Variants in ATP9A observed in about 807,000 individuals in gnomAD.
The protein encoded by ATP9A is ATPase phospholipid transporting 9A, also known as probable phospholipid-transporting ATPase IIA.
Under a neutral mutation model 144.1 loss-of-function variants are expected in ATP9A, and 52 were observed. The observed-to-expected ratio is 0.36, with a 90% confidence interval of 0.29 to 0.45. The LOEUF (loss-of-function observed/expected upper bound fraction) is 0.45, where lower values mean the gene tolerates loss of function less well. Among genes scored for constraint, ATP9A ranks in the 20% least tolerant of loss-of-function variants. ATP9A has a pLI of 1.00. For synonymous variants in ATP9A, 582 were observed against 557.4 expected (o/e 1.04, Z -0.62); for missense variants, 947 against 1,392.7 (o/e 0.68, Z 5.09).
intron 11 of ATP9A, among the ~76,000 whole-genome samples, chr20:51,672,919 C>T (rs1410077110): frequency 6.6e-6 from 1 of 152,106 alleles, no homozygotes; most frequent in Non-Finnish European, 1.5e-5. Context: ...AGACCAAACT[C>T]CCCTTTTTCT....
At chr20:51,682,527 C>CATTTGACCCAG (rs1461066616) in intron 9 of ATP9A, among the ~76,000 whole-genome samples, 1 of 147,730 alleles carries the variant, frequency 6.8e-6, no homozygotes, top group Non-Finnish European at 1.5e-5. Flanking sequence ...AAGAGACAAG[C>CATTTGACCCAG]ATTTGACCCA....
intron 22 of ATP9A, among the ~76,000 whole-genome samples, chr20:51,615,165 G>A (rs1319236643): frequency 6.6e-6 from 1 of 152,100 alleles, no homozygotes; most frequent in Non-Finnish European, 1.5e-5. Flanking sequence ...GTTCTAAAGA[G>A]ATCCAGCTGA....
chr20:51,673,680 T>G (rs1202197837), intron 11 of ATP9A, among the ~76,000 whole-genome samples: 1 of 152,170 alleles, frequency 6.6e-6, no homozygotes, highest in Non-Finnish European at 1.5e-5. Flanking sequence ...AATGTGATCT[T>G]CTGGTGCTAG....
At chr20:51,625,396 G>A (rs748424630) in intron 17 of ATP9A, 34 bp from the exon 18 acceptor site, 1 of 1,592,628 alleles carries the variant, frequency 6.3e-7, no homozygotes, top group Non-Finnish European at 8.6e-7. Flanking sequence ...TCACTGCTTA[G>A]GGTGAGGAGA....
At chr20:51,608,446 G>C (rs1300233191) in intron 25 of ATP9A, 72 bp downstream of exon 25, 41 of 967,842 alleles carry the variant, frequency 4.2e-5, no homozygotes, top group Non-Finnish European at 3.4e-6. Flanking sequence ...AAGAAAAAAA[G>C]CAGGGAGGGA....
Position 51,635,203 on chromosome 20 carries a change from T to G in ATP9A, c.1668+4140A>C, listed in dbSNP as rs1000197391. On this transcript the variant is annotated intron_variant, in intron 15 of 27. Coordinates refer to ENST00000338821, the MANE Select transcript of ATP9A (RefSeq NM_006045.3). ...AGGGGAGCTGACTACAGGGAGGCCC[T>G]CGTGGGAAGGCACTGAGGGTGGCCT... 2.0e-5 allele frequency among the ~76,000 whole-genome samples: 3 copies of G among 152,306 alleles called. No individual in the cohort carries two copies. The East Asian group carries it at 5.8e-4, about 29-fold the overall frequency.
chr20:51,743,649 C>T (rs192563417), intron 1 of ATP9A, among the ~76,000 whole-genome samples: 2,289 of 149,056 alleles, frequency 0.015, 31 homozygotes, highest in Non-Finnish European at 0.026. Flanking sequence ...GTGATTCGCC[C>T]GCCTCAGCCT....
rs375640601 is a variant in ATP9A, at chr20:51,644,335, C to T, written c.1507-4831G>A. On this transcript the variant is annotated intron_variant, in intron 14 of 27. Coordinates refer to ENST00000338821, the MANE Select transcript of ATP9A (RefSeq NM_006045.3). ...TTGCCCAGGTTGGAGTGCAGTGGCGCGATCTCGGCTCACTGCAAACTCCAC... is the reference window on the plus strand; with the variant it reads ...TTGCCCAGGTTGGAGTGCAGTGGCGTGATCTCGGCTCACTGCAAACTCCAC... 1.3e-4 allele frequency among the ~76,000 whole-genome samples: 18 copies of T among 135,428 alleles called. 2 individuals are homozygous for T. The highest frequency in any genetic ancestry group is 4.3e-4 in the East Asian group (2 of 4,610). 88.8% of individuals were successfully genotyped at this position (135,428 alleles called of 152,430 possible).
chr20:51,624,578 T>A (rs6013239), intron 18 of ATP9A, among the ~76,000 whole-genome samples: 47,259 of 152,032 alleles, frequency 0.31, 7,493 homozygotes, highest in Non-Finnish European at 0.34. Context: ...ACCGGCGTGC[T>A]GATCACTCAA....
At chr20:51,677,277 C>G (rs1373425543) in intron 9 of ATP9A, among the ~76,000 whole-genome samples, 2 of 152,084 alleles carry the variant, frequency 1.3e-5, no homozygotes, top group African/African-American at 2.4e-5. Flanking sequence ...ACATTAGGGC[C>G]AAACCAATGA....
chr20:51,682,499 G>A lies in ATP9A; in HGVS notation c.800-6291C>T, dbSNP rs181800793. Among the ~76,000 whole-genome samples the A allele has an allele frequency of 2.5e-4, 36 of 141,938 alleles. No homozygotes were observed. In the East Asian group the frequency reaches 6.7e-3, roughly 26 times the overall value. 93.1% of individuals were successfully genotyped at this position (141,938 alleles called of 152,430 possible). A position where few individuals can be genotyped will look rare whatever the true frequency, so the allele number is the denominator to read the frequency against. ...CCATCTTGTTCTCATTGCCTTTAAC[G>A]CCTCTTTATTCCACCCAAAGAGACA... On this transcript the variant is annotated intron_variant, in intron 9 of 27. Coordinates refer to ENST00000338821, the MANE Select transcript of ATP9A (RefSeq NM_006045.3).
intron 12 of ATP9A, among the ~76,000 whole-genome samples, chr20:51,670,582 G>T (rs1443937298): frequency 2.6e-5 from 4 of 152,114 alleles, no homozygotes; most frequent in African/African-American, 9.7e-5. Context: ...CTGATTTGGT[G>T]AGCCGCCCAG....
intron 1 of ATP9A, among the ~76,000 whole-genome samples, chr20:51,761,373 C>T (rs2077879551): frequency 6.6e-6 from 1 of 152,178 alleles, no homozygotes; most frequent in Non-Finnish European, 1.5e-5. Context: ...ATTCCAGTCC[C>T]CTTTGTGGGA....
At chr20:51,664,330 T>C (rs941168618) in intron 13 of ATP9A, among the ~76,000 whole-genome samples, 1 of 152,150 alleles carries the variant, frequency 6.6e-6, no homozygotes, top group East Asian at 1.9e-4. Context: ...CTCATGCCTG[T>C]AATCCCAGCA....
chr20:51,636,740 T>C (rs2077293842), intron 15 of ATP9A, among the ~76,000 whole-genome samples: 1 of 149,762 alleles, frequency 6.7e-6, no homozygotes, highest in African/African-American at 2.6e-5. Context: ...TCAGTCCTAA[T>C]GGTACCTACC....
At chr20:51,642,187 C>T (rs2077322373) in intron 14 of ATP9A, among the ~76,000 whole-genome samples, 1 of 151,970 alleles carries the variant, frequency 6.6e-6, no homozygotes, top group African/African-American at 2.4e-5. Flanking sequence ...TGGAGTCTCA[C>T]TCTGTCACCT....
chr20:51,620,116 G>A (rs902743280), intron 19 of ATP9A, among the ~76,000 whole-genome samples: 3 of 152,196 alleles, frequency 2.0e-5, no homozygotes, highest in African/African-American at 7.2e-5. Context: ...CCACTTTTCT[G>A]TAAAGGACCA....
intron 5 of ATP9A, 29 bp downstream of exon 5, chr20:51,697,395 C>A (rs1169489517): frequency 3.1e-6 from 5 of 1,607,312 alleles, no homozygotes; most frequent in Non-Finnish European, 4.3e-6. Flanking sequence ...GAAGTGGTAT[C>A]CACACACAAG....
rs182675518 is a variant in ATP9A, at chr20:51,683,368, G to A, written c.799+5696C>T. 2.2e-3 allele frequency among the ~76,000 whole-genome samples: 337 copies of A among 151,984 alleles called. 4 individuals carry two copies. The highest frequency in any genetic ancestry group is 7.2e-3 in the African/African-American group (297 of 41,508). On this transcript the variant is annotated intron_variant, in intron 9 of 27. Coordinates refer to ENST00000338821, the MANE Select transcript of ATP9A (RefSeq NM_006045.3). ...CAACCTCCACCTCCCAGGTTCAAAC[G>A]ATTCTCCTGCCTCAGCCTCCTGAGC...
Sources: gnomAD v4.1 joint callset for allele counts (sites outside exome capture counted in the v4.1 genomes callset) on GRCh38, gnomAD v4.1.1 for gene constraint, MANE v1.5 for transcripts, NCBI Gene and HGNC (gene_info 2026-07-23, HGNC 2026-07-21) for gene names.